NBAS: variants seen among roughly 807,000 people sequenced by gnomAD.
NBAS encodes the protein NAG/BC035112 fusion.
NBAS carries 219 observed loss-of-function variants against 302.5 expected under a neutral mutation model. The ratio of observed to expected loss-of-function variants is 0.72; its 90% confidence interval spans 0.65 to 0.81. The LOEUF (loss-of-function observed/expected upper bound fraction) is 0.81, where lower values mean the gene tolerates loss of function less well. Ranked by LOEUF, NBAS falls within the 30% of genes least tolerant of loss-of-function variation. The pLI, the probability that NBAS is intolerant of heterozygous loss-of-function variation, is 0.00. For synonymous variants in NBAS, 1,118 were observed against 1,021.6 expected (o/e 1.09, Z -1.80); for missense variants, 2,932 against 2,841.6 (o/e 1.03, Z -0.72).
intron 48 of NBAS, among the ~76,000 whole-genome samples, chr2:15,195,334 C>T (rs1381806393): frequency 1.3e-5 from 2 of 152,150 alleles, no homozygotes; most frequent in Non-Finnish European, 2.9e-5. Flanking sequence ...CCACCTTGCC[C>T]TCTCTTGCTG....
intron 31 of NBAS, among the ~76,000 whole-genome samples, chr2:15,370,661 T>A (rs1285411286): frequency 6.6e-6 from 1 of 152,108 alleles, no homozygotes; most frequent in African/African-American, 2.4e-5. Context: ...TCAAAGGAGA[T>A]TATTTTGGAG....
intron 32 of NBAS, among the ~76,000 whole-genome samples, chr2:15,359,378 C>T (rs190891538): frequency 3.9e-4 from 60 of 152,270 alleles, no homozygotes; most frequent in Admixed American, 9.2e-4. Context: ...GTATTTTCCC[C>T]TTTGAGTGTT....
chr2:15,534,539 T>C lies in NBAS; in HGVS notation c.746+4A>G. ...ACTAAATATGAGAACAAATGGTTAC[T>C]TACCTGTGACCAGGGTGGTAAATAG... On this transcript the variant is annotated splice_donor_region_variant and intron_variant, in intron 9 of 51. Coordinates refer to ENST00000281513, the MANE Select transcript of NBAS (RefSeq NM_015909.4). 6.3e-7 allele frequency: 1 copy of C among 1,584,192 alleles called. No homozygotes were observed. Among genetic ancestry groups the C allele is most frequent in the Non-Finnish European group, 8.7e-7 (1 of 1,152,226 alleles).
intron 38 of NBAS, among the ~76,000 whole-genome samples, chr2:15,310,204 G>A (rs1160050889): frequency 6.6e-6 from 1 of 152,072 alleles, no homozygotes; most frequent in Non-Finnish European, 1.5e-5. Flanking sequence ...ATGGTGGGAG[G>A]GTGAGAAGGA....
the NBAS span, among the ~76,000 whole-genome samples, chr2:14,972,077 A>G: frequency 6.6e-6 from 1 of 152,190 alleles, no homozygotes; most frequent in Non-Finnish European, 1.5e-5. Context: ...AATCCTGAAC[A>G]AACAAAATGT....
At chr2:15,145,642 T>A in the NBAS span, among the ~76,000 whole-genome samples, 1 of 151,958 alleles carries the variant, frequency 6.6e-6, no homozygotes, top group Non-Finnish European at 1.5e-5. Flanking sequence ...GGGCACTGAG[T>A]CACTGGCTCC....
At chr2:15,234,255 A>C (rs1667495410) in intron 46 of NBAS, among the ~76,000 whole-genome samples, 1 of 152,162 alleles carries the variant, frequency 6.6e-6, no homozygotes, top group South Asian at 2.1e-4. Context: ...AAACTTACTT[A>C]CCTGTGTCAA....
intron 3 of NBAS, among the ~76,000 whole-genome samples, chr2:15,555,318 A>C (rs1205718916): frequency 6.6e-6 from 1 of 152,110 alleles, no homozygotes; most frequent in African/African-American, 2.4e-5. Context: ...CATTTTTTAA[A>C]ACACAAAATA....
intron 14 of NBAS, among the ~76,000 whole-genome samples, chr2:15,474,705 C>T (rs1451012255): frequency 1.3e-5 from 2 of 152,056 alleles, no homozygotes; most frequent in East Asian, 3.9e-4. Context: ...GGATTACAGG[C>T]ACCCGCCACC....
At chr2:14,864,456 C>A in the NBAS span, among the ~76,000 whole-genome samples, 1 of 152,208 alleles carries the variant, frequency 6.6e-6, no homozygotes, top group East Asian at 1.9e-4. Flanking sequence ...ACAGAAACAG[C>A]GAATATCCAA....
the NBAS span, among the ~76,000 whole-genome samples, chr2:14,883,317 C>T: frequency 6.6e-6 from 1 of 152,014 alleles, no homozygotes; most frequent in Non-Finnish European, 1.5e-5. Flanking sequence ...AAGTGTATGC[C>T]CTTTAGTACT....
chr2:15,117,537 A>T, the NBAS span, among the ~76,000 whole-genome samples: 2 of 152,328 alleles, frequency 1.3e-5, no homozygotes, highest in East Asian at 1.9e-4. Flanking sequence ...AGAGGAAAAA[A>T]GTAGGGCCTC....
At chr2:15,344,127 G>GA (rs79591315) in intron 35 of NBAS, among the ~76,000 whole-genome samples, 11 of 148,936 alleles carry the variant, frequency 7.4e-5, no homozygotes, top group East Asian at 2.0e-4. Context: ...ATAAGCACAT[G>GA]AAAAAAAAAG....
intron 12 of NBAS, among the ~76,000 whole-genome samples, chr2:15,482,651 A>C (rs1377038429): frequency 6.6e-6 from 1 of 151,422 alleles, no homozygotes; most frequent in African/African-American, 2.4e-5. Context: ...AACAACTGAC[A>C]AAAGGCAAGC....
chr2:15,122,961 C>G, the NBAS span, among the ~76,000 whole-genome samples: 2 of 152,186 alleles, frequency 1.3e-5, no homozygotes, highest in African/African-American at 2.4e-5. Context: ...CACATTCCCT[C>G]TTGCTGGGTG....
At chr2:15,011,574 C>T in the NBAS span, among the ~76,000 whole-genome samples, 1 of 152,072 alleles carries the variant, frequency 6.6e-6, no homozygotes, top group African/African-American at 2.4e-5. Flanking sequence ...GCCAACTTGC[C>T]CTAGCAGGCA....
intron 40 of NBAS, among the ~76,000 whole-genome samples, chr2:15,296,085 T>G (rs1670537611): frequency 6.6e-6 from 1 of 152,168 alleles, no homozygotes; most frequent in Non-Finnish European, 1.5e-5. Context: ...ATAAGCAGAC[T>G]TACACAATCA....
At chr2:15,188,056 T>C (rs942238528) in intron 49 of NBAS, among the ~76,000 whole-genome samples, 1 of 152,204 alleles carries the variant, frequency 6.6e-6, no homozygotes, top group African/African-American at 2.4e-5. Flanking sequence ...CTACAGTTTT[T>C]CTCATTGTAG....
the NBAS span, among the ~76,000 whole-genome samples, chr2:14,805,962 C>T: frequency 6.6e-6 from 1 of 152,148 alleles, no homozygotes; most frequent in African/African-American, 2.4e-5. Flanking sequence ...AAGATTTCAA[C>T]TAGATTGAGA....
Sources: allele counts gnomAD v4.1 joint callset (sites outside exome capture counted in the v4.1 genomes callset), GRCh38; gene constraint gnomAD v4.1.1; transcripts MANE v1.5; gene names NCBI Gene and HGNC (gene_info 2026-07-23, HGNC 2026-07-21).